HDAC9: variants seen among roughly 807,000 people sequenced by gnomAD.
The protein encoded by HDAC9 is MEF-2 interacting transcription repressor (MITR) protein.
A neutral mutation model predicts 139.4 loss-of-function variants in HDAC9; 41 were observed. The ratio of observed to expected loss-of-function variants is 0.29; its 90% CI spans 0.23 to 0.38. The LOEUF (loss-of-function observed/expected upper bound fraction) is 0.38, where lower values mean the gene tolerates loss of function less well. Ranked by LOEUF, HDAC9 falls within the 10% of genes least tolerant of loss-of-function variation. The pLI is 1.00. For synonymous variants in HDAC9, 517 were observed against 476.2 expected, an observed-to-expected ratio of 1.09 and a Z score of -1.12; for missense variants, 1,147 against 1,297.0, an observed-to-expected ratio of 0.88 and a Z score of 1.78.
intron 25 of HDAC9, among the ~76,000 whole-genome samples, chr7:18,979,518 T>C (rs550867771): frequency 2.0e-5 from 3 of 152,330 alleles, no homozygotes; most frequent in Admixed American, 1.3e-4. Flanking sequence ...TAAGAACTTA[T>C]TTAGACAACT....
chr7:18,112,714 TA>T (rs757669799), intron 1 of HDAC9, among the ~76,000 whole-genome samples: 6 of 152,170 alleles, frequency 3.9e-5, no homozygotes, highest in Non-Finnish European at 7.3e-5. Flanking sequence ...GTACAATTTA[TA>T]ATGAACATAT....
chr7:18,625,939 T>TC (rs1230435134), intron 6 of HDAC9, among the ~76,000 whole-genome samples: 8 of 88,774 alleles, frequency 9.0e-5, no homozygotes, highest in South Asian at 9.4e-4. Context: ...AGAGCGAGAC[T>TC]CCATCTCAAA....
intron 21 of HDAC9, among the ~76,000 whole-genome samples, chr7:18,858,051 A>G (rs993080856): frequency 1.3e-5 from 2 of 152,284 alleles, no homozygotes; most frequent in South Asian, 2.1e-4. Flanking sequence ...GAAATCTTGG[A>G]TTCTGCCGGC....
chr7:18,904,141 T>C (rs925469393), intron 22 of HDAC9, among the ~76,000 whole-genome samples: 5 of 152,266 alleles, frequency 3.3e-5, no homozygotes, highest in Non-Finnish European at 7.3e-5. Context: ...TCCCGATTTC[T>C]TTTAAGTAGA....
intron 2 of HDAC9, among the ~76,000 whole-genome samples, chr7:18,273,159 C>T (rs1796499324): frequency 6.9e-6 from 1 of 144,176 alleles, no homozygotes; most frequent in South Asian, 2.2e-4. Flanking sequence ...AACTCGTGGA[C>T]TTAAGCTAGC....
At chr7:18,138,512 TGAGA>T (rs796391642) in intron 1 of HDAC9, among the ~76,000 whole-genome samples, 2 of 138,162 alleles carry the variant, frequency 1.4e-5, no homozygotes, top group Admixed American at 1.4e-4. Flanking sequence ...GAAGCTGTAG[TGAGA>T]GAGAGAGAGA....
intron 23 of HDAC9, among the ~76,000 whole-genome samples, chr7:18,947,524 T>C (rs1585382236): frequency 6.6e-6 from 1 of 151,924 alleles, no homozygotes; most frequent in African/African-American, 2.4e-5. Flanking sequence ...GGAAAAATTA[T>C]AATAAAAATG....
In HDAC9 at chr7:18,910,249, A is replaced by G. The variant is rs1036617242; in HGVS notation, c.2804-25560A>G. 2.6e-5 allele frequency among the ~76,000 whole-genome samples: 4 copies of G among 152,084 alleles called. No individual in the cohort carries two copies. In the East Asian group the frequency reaches 7.7e-4, roughly 29 times the overall value. ...TCAATTTATTTCATCAGTGTTTTACAGTTTTCATCATAGAAATCTTTGACC... is the reference window on the plus strand; with the variant it reads ...TCAATTTATTTCATCAGTGTTTTACGGTTTTCATCATAGAAATCTTTGACC... On this transcript the variant is annotated intron_variant, in intron 22 of 25. Coordinates refer to ENST00000686413, the MANE Select transcript of HDAC9 (RefSeq NM_178425.4).
At chr7:18,659,334 G>A (rs2285442) in intron 11 of HDAC9, among the ~76,000 whole-genome samples, 60,045 of 151,962 alleles carry the variant, frequency 0.4, 15,195 homozygotes, top group African/African-American at 0.7. Context: ...TTATTATTTA[G>A]TGAATTTTTC....
chr7:18,635,928 C>G (rs984083415), intron 8 of HDAC9, among the ~76,000 whole-genome samples: 1 of 151,974 alleles, frequency 6.6e-6, no homozygotes, highest in Non-Finnish European at 1.5e-5. Flanking sequence ...AGCTATTGCT[C>G]TGTAATTTCA....
intron 25 of HDAC9, among the ~76,000 whole-genome samples, chr7:18,987,192 T>C (rs1210275868): frequency 1.3e-5 from 2 of 152,216 alleles, no homozygotes; most frequent in African/African-American, 4.8e-5. Flanking sequence ...CAGTATGATA[T>C]TGGCTGTGGG....
chr7:18,784,968 TG>T (rs57203518), intron 16 of HDAC9, among the ~76,000 whole-genome samples: 84,100 of 150,888 alleles, frequency 0.56, 23,542 homozygotes, highest in Non-Finnish European at 0.6. Context: ...TGTGTGTGTG[TG>T]TGTGTCTGTG....
chr7:18,240,639 G>C lies in HDAC9; in HGVS notation c.25+78290G>C, dbSNP rs1358021377. On this transcript the variant is annotated intron_variant, in intron 2 of 12. Transcript: ENST00000417496. ...TCCAGAGTGATCCTATTAAAAGTCA[G>C]ATCACGTTACTCCTCTGCTCACAAC... 2.6e-5 allele frequency among the ~76,000 whole-genome samples: 4 copies of C among 152,042 alleles called. No homozygotes were observed. The East Asian group carries it at 7.7e-4, about 29-fold the overall frequency.
intron 23 of HDAC9, among the ~76,000 whole-genome samples, chr7:18,941,159 C>CTTTT (rs72216267): frequency 6.7e-6 from 1 of 148,852 alleles, no homozygotes; most frequent in Non-Finnish European, 1.5e-5. Context: ...TTTGTCTCTT[C>CTTTT]TTTTTTTTTT....
At chr7:18,875,260 GA>G (rs35977400) in intron 22 of HDAC9, among the ~76,000 whole-genome samples, 1 of 152,060 alleles carries the variant, frequency 6.6e-6, no homozygotes, top group Admixed American at 6.5e-5. Context: ...CTCTGAGTGG[GA>G]AAAAAGGTAT....
chr7:18,666,709 G>T (rs1012127926), intron 12 of HDAC9: 23 of 1,298,760 alleles, frequency 1.8e-5, no homozygotes, highest in Non-Finnish European at 2.3e-5. Context: ...AAATCCACTG[G>T]TAAGGAAATA....
At chr7:18,111,048 GT>G (rs1783583136) in intron 1 of HDAC9, among the ~76,000 whole-genome samples, 1 of 152,174 alleles carries the variant, frequency 6.6e-6, no homozygotes, top group Admixed American at 6.5e-5. Context: ...ATTTTCATCA[GT>G]TCCTAGAGTA....
rs79176621 is a variant in HDAC9 at position 18,848,862 on chromosome 7, T to G, written c.2684+12865T>G. Among the ~76,000 whole-genome samples the G allele has an allele frequency of 3.1e-3, 465 of 152,122 alleles. 2 individuals are homozygous for G. Among genetic ancestry groups the G allele is most frequent in the African/African-American group, 0.011 (439 of 41,488 alleles). ...ATAAAGAATATCCTATAGGGAAAAA[T>G]CTCTAATTGAAGACATATAATATGT... On this transcript the variant is annotated intron_variant, in intron 21 of 25. Transcript: ENST00000686413.
intron 25 of HDAC9, among the ~76,000 whole-genome samples, chr7:18,991,008 C>T (rs899054625): frequency 1.9e-4 from 29 of 152,334 alleles, no homozygotes; most frequent in South Asian, 6.2e-4. Context: ...CCGTCTTCTG[C>T]GTTGCCCATG....
Sources: gnomAD v4.1 joint callset for allele counts (sites outside exome capture counted in the v4.1 genomes callset) on GRCh38, gnomAD v4.1.1 for gene constraint, MANE v1.5 for transcripts, NCBI Gene and HGNC (gene_info 2026-07-23, HGNC 2026-07-21) for gene names.